Variants in BCAS3 observed in about 807,000 individuals in gnomAD.
BCAS3 encodes the protein BCAS4/BCAS3 fusion.
BCAS3 carries 53 observed loss-of-function variants against 116.1 expected under a neutral mutation model. The ratio of observed to expected loss-of-function variants is 0.46; its 90% confidence interval spans 0.37 to 0.57. The LOEUF (loss-of-function observed/expected upper bound fraction) is 0.57, where lower values mean the gene tolerates loss of function less well. Ranked by LOEUF, BCAS3 falls within the 20% of genes least tolerant of loss-of-function variation. The pLI, the probability that BCAS3 is intolerant of heterozygous loss-of-function variation, is 0.00. For synonymous variants in BCAS3, 391 were observed against 408.2 expected (o/e 0.96, Z 0.51); for missense variants, 917 against 1,165.4 (o/e 0.79, Z 3.10).
chr17:61,386,804 T>G (rs531484160), intron 23 of BCAS3, among the ~76,000 whole-genome samples: 83 of 149,910 alleles, frequency 5.5e-4, no homozygotes, highest in South Asian at 4.2e-3. Context: ...TTGTTTTTTT[T>G]TTTTTTTTTG....
intron 7 of BCAS3, among the ~76,000 whole-genome samples, chr17:60,848,765 C>G (rs917469262): frequency 1.3e-5 from 2 of 150,866 alleles, no homozygotes; most frequent in African/African-American, 2.4e-5. Flanking sequence ...GTGGCATGAT[C>G]ATAGCTCATT....
intron 22 of BCAS3, among the ~76,000 whole-genome samples, chr17:61,266,386 C>T (rs759801037): frequency 2.6e-5 from 4 of 152,156 alleles, no homozygotes; most frequent in African/African-American, 2.4e-5. Context: ...ATTAAAAGGA[C>T]GATCTTTCTT....
chr17:61,364,923 TAGTC>T lies in BCAS3; in HGVS notation c.2426-3401_2426-3398del, dbSNP rs1296707842. Among the ~76,000 whole-genome samples the T allele has an allele frequency of 6.6e-6, 1 of 152,214 alleles. No individual in the cohort carries two copies. Among genetic ancestry groups the T allele is most frequent in the African/African-American group, 2.4e-5 (1 of 41,456 alleles). ...CTACGACCTCTCAGGATCATTATGA[TAGTC>T]AGAATTTATGATGATGCCCCAAGTG... On this transcript the variant is annotated intron_variant, in intron 22 of 23. Transcript: ENST00000407086. This position sits in a 1 kb window ranked among gnomAD's most constrained non-coding sequence, Gnocchi z 5.4.
chr17:60,922,275 C>T (rs762588607), intron 12 of BCAS3, among the ~76,000 whole-genome samples: 10 of 152,026 alleles, frequency 6.6e-5, no homozygotes, highest in Admixed American at 1.3e-4. Context: ...TACAGGCACG[C>T]GCCACCATGT....
intron 18 of BCAS3, among the ~76,000 whole-genome samples, chr17:61,038,645 TTTTTTGTTTTG>T (rs2067238048): frequency 2.0e-5 from 3 of 146,458 alleles, no homozygotes; most frequent in Non-Finnish European, 4.4e-5. Flanking sequence ...TTCATTCCTT[TTTTTTGTTTTG>T]TTTTTGTTTT....
chr17:60,835,791 T>G (rs2051319156), intron 7 of BCAS3, among the ~76,000 whole-genome samples: 1 of 152,110 alleles, frequency 6.6e-6, no homozygotes, highest in South Asian at 2.1e-4. Context: ...AATATTCATA[T>G]TCTCGTGATG....
chr17:60,929,402 T>G (rs898427895), intron 13 of BCAS3, among the ~76,000 whole-genome samples: 2 of 152,162 alleles, frequency 1.3e-5, no homozygotes, highest in African/African-American at 4.8e-5. Context: ...CACTCTAGCC[T>G]GGGTTACAGA....
chr17:61,152,694 A>G (rs1190415350), intron 22 of BCAS3, among the ~76,000 whole-genome samples: 2 of 152,084 alleles, frequency 1.3e-5, no homozygotes, highest in South Asian at 4.2e-4. Context: ...TTGTAAAGAT[A>G]ATAAAGTCTT....
Position 61,205,147 on chromosome 17 carries a change from T to A in BCAS3, c.2425+120583T>A, listed in dbSNP as rs723835. 6.6e-6 allele frequency among the ~76,000 whole-genome samples: 1 copy of A among 151,848 alleles called. No homozygotes were observed. Among genetic ancestry groups the A allele is most frequent in the Non-Finnish European group, 1.5e-5 (1 of 67,972 alleles). ...GTATTATTTTTCTCATTTCTACCTA[T>A]GAAAAAAAGGTTGAAACTGAAAGAA... is the stretch of plus-strand genomic sequence containing the variant. On this transcript the variant is annotated intron_variant, in intron 22 of 23. Coordinates refer to ENST00000407086, the MANE Select transcript of BCAS3 (RefSeq NM_017679.5). The surrounding 1 kb of genome is among the most constrained non-coding windows in gnomAD (Gnocchi z 5.2).
chr17:60,970,428 A>T (rs770528970), intron 14 of BCAS3, among the ~76,000 whole-genome samples: 1 of 152,234 alleles, frequency 6.6e-6, no homozygotes, highest in African/African-American at 2.4e-5. Context: ...TCCAATATAA[A>T]GGAAGAAATT....
At chr17:60,814,308 C>CGCGT (rs2049156390) in intron 7 of BCAS3, among the ~76,000 whole-genome samples, 1 of 124,122 alleles carries the variant, frequency 8.1e-6, no homozygotes, top group African/African-American at 4.0e-5. Flanking sequence ...TGTGTGTGTG[C>CGCGT]GCGCGTGCCC....
At chr17:60,715,121 T>C (rs1038904012) in intron 5 of BCAS3, among the ~76,000 whole-genome samples, 1 of 149,248 alleles carries the variant, frequency 6.7e-6, no homozygotes, top group Admixed American at 6.6e-5. Flanking sequence ...AGTTCTGTAC[T>C]CTTTCTCTTT....
intron 6 of BCAS3, among the ~76,000 whole-genome samples, chr17:60,783,866 T>C (rs576160613): frequency 6.6e-6 from 1 of 152,322 alleles, no homozygotes; most frequent in South Asian, 2.1e-4. Context: ...TTTTTGTTTG[T>C]TTCTCATGTT....
At position 61,378,731 on chromosome 17, in the gene BCAS3, G is replaced by A. The variant is rs2059454721; in HGVS notation, c.2593+10237G>A. ...GCCCCTGAGAGGTAAATGAAAGCCAGTCAAAGCAATGGGAATAGTTATTGA... is the reference window on the plus strand; with the variant it reads ...GCCCCTGAGAGGTAAATGAAAGCCAATCAAAGCAATGGGAATAGTTATTGA... On this transcript the variant is annotated intron_variant, in intron 23 of 23. Coordinates refer to ENST00000407086, the MANE Select transcript of BCAS3 (RefSeq NM_017679.5). The surrounding 1 kb of genome is among the most constrained non-coding windows in gnomAD (Gnocchi z 5.8). The A allele has an allele frequency of 6.6e-6, 1 of 152,252 alleles. No individual in the cohort carries two copies. The highest frequency in any genetic ancestry group is 2.4e-5 in the African/African-American group (1 of 41,450). The allele number at this position is 152,252 out of a possible 1,614,324, so 9.4% of individuals were successfully genotyped here. A position where few individuals can be genotyped will look rare whatever the true frequency, so the allele number is the denominator to read the frequency against.
In BCAS3 at chr17:61,343,731, TG is replaced by T. The variant is rs1336447179; in HGVS notation, c.2426-24595del. Among the ~76,000 whole-genome samples the T allele has an allele frequency of 6.6e-6, 1 of 152,208 alleles. No homozygotes were observed. The highest frequency in any genetic ancestry group is 2.4e-5 in the African/African-American group (1 of 41,456). ...TTTCCAATATTATCCTCCAGGAACT[TG>T]TGATTATCCTCTGTCTAAGTCAAAA... On this transcript the variant is annotated intron_variant, in intron 22 of 23. Coordinates refer to ENST00000407086, the MANE Select transcript of BCAS3 (RefSeq NM_017679.5). The surrounding 1 kb of genome is among the most constrained non-coding windows in gnomAD (Gnocchi z 5.5).
At chr17:60,861,374 A>T (rs1336393555) in intron 7 of BCAS3, among the ~76,000 whole-genome samples, 1 of 152,200 alleles carries the variant, frequency 6.6e-6, no homozygotes, top group Non-Finnish European at 1.5e-5. Context: ...TTGTTTAACA[A>T]ATCCAAGAGC....
chr17:60,685,963 G>A (rs1263395908), intron 3 of BCAS3, among the ~76,000 whole-genome samples: 1 of 151,376 alleles, frequency 6.6e-6, no homozygotes, highest in African/African-American at 2.4e-5. Context: ...TCTGCCTCCC[G>A]GGTTCATGCC....
rs568040938 is a variant in BCAS3, at chr17:60,703,720, C to T, written c.215-5499C>T. Among the ~76,000 whole-genome samples the T allele has an allele frequency of 4.4e-4, 67 of 151,030 alleles. No individual in the cohort carries two copies. The East Asian group carries it at 0.012, about 28-fold the overall frequency. ...ACGAGGTCAGGAGATCGAGACCATC[C>T]TGGCTAACATGGTGAAACCCCGTTT... is the stretch of plus-strand genomic sequence containing the variant. On this transcript the variant is annotated intron_variant, in intron 4 of 23. Coordinates refer to ENST00000407086, the MANE Select transcript of BCAS3 (RefSeq NM_017679.5).
intron 6 of BCAS3, among the ~76,000 whole-genome samples, chr17:60,799,711 T>TTC (rs1382550320): frequency 5.3e-5 from 6 of 113,304 alleles, no homozygotes; most frequent in African/African-American, 3.0e-4. Context: ...TTCTTTTCTT[T>TTC]TTTTTTTTTT....
Sources: allele counts gnomAD v4.1 joint callset (sites outside exome capture counted in the v4.1 genomes callset), GRCh38; gene constraint gnomAD v4.1.1; non-coding constraint Gnocchi (gnomAD v3.1); transcripts MANE v1.5; gene names NCBI Gene and HGNC (gene_info 2026-07-23, HGNC 2026-07-21).